COMMD1: variants seen among roughly 807,000 people sequenced by gnomAD.
The protein encoded by COMMD1 is COMM domain-containing protein 1.
In COMMD1, 10 loss-of-function variants were observed where a neutral mutation model predicts 17.2. That is an observed-to-expected ratio of 0.58 (90% confidence interval 0.36 to 0.99). The LOEUF (loss-of-function observed/expected upper bound fraction) is 0.99, where lower values mean the gene tolerates loss of function less well. COMMD1 is among the 50% of genes least tolerant of loss of function. The pLI, the probability that COMMD1 is intolerant of heterozygous loss-of-function variation, is 0.01. For missense variants in COMMD1, 270 were observed against 231.8 expected (o/e 1.17, Z -1.07); for synonymous variants, 97 against 91.6 (o/e 1.06, Z -0.34).
intron 1 of COMMD1, among the ~76,000 whole-genome samples, chr2:61,930,859 T>G (rs1670448193): frequency 6.6e-6 from 1 of 152,042 alleles, no homozygotes; most frequent in Non-Finnish European, 1.5e-5. Flanking sequence ...ATATGATAAG[T>G]GTTAGATTAA....
At chr2:61,923,196 A>T (rs1332870039) in intron 1 of COMMD1, among the ~76,000 whole-genome samples, 1 of 152,190 alleles carries the variant, frequency 6.6e-6, no homozygotes, top group Non-Finnish European at 1.5e-5. Flanking sequence ...TTATTAAATT[A>T]TAAACCTTCA....
intron 1 of COMMD1, among the ~76,000 whole-genome samples, chr2:61,907,764 C>T (rs184620860): frequency 1.3e-5 from 2 of 152,222 alleles, no homozygotes; most frequent in East Asian, 1.9e-4. Flanking sequence ...GATCTCCGCT[C>T]TCTACAACCT....
Position 62,046,905 on chromosome 2 carries a change from C to T in COMMD1, c.462+45923C>T, listed in dbSNP as rs559995031. On this transcript the variant is annotated intron_variant, in intron 2 of 2. Transcript: ENST00000311832. ...GCAAATAAAATGTTTGGTTTCTCTC[C>T]GGTATCTTTGGATGCAAAGTAGTGG... is the stretch of plus-strand genomic sequence containing the variant. Among the ~76,000 whole-genome samples, 9 of 152,290 alleles carry T rather than the reference C, an allele frequency of 5.9e-5. 1 individual carries two copies. The South Asian group carries it at 8.3e-4, about 14-fold the overall frequency.
chr2:62,115,503 T>G (rs1255328437), intron 2 of COMMD1, among the ~76,000 whole-genome samples: 2 of 152,236 alleles, frequency 1.3e-5, no homozygotes, highest in African/African-American at 4.8e-5. Context: ...GAGTAAAAGA[T>G]AAAAGAGTTA....
intron 2 of COMMD1, among the ~76,000 whole-genome samples, chr2:62,009,681 T>TA (rs1010062300): frequency 4.6e-5 from 7 of 152,090 alleles, no homozygotes; most frequent in African/African-American, 1.2e-4. Context: ...ACACACTTGT[T>TA]AAAAAAATCT....
chr2:61,910,285 C>T (rs957795501), intron 1 of COMMD1, among the ~76,000 whole-genome samples: 4 of 151,618 alleles, frequency 2.6e-5, no homozygotes, highest in African/African-American at 4.9e-5. Context: ...GAGTCTCACT[C>T]TCTTGCCCAG....
At chr2:62,000,525 C>T (rs1016977726) in intron 1 of COMMD1, among the ~76,000 whole-genome samples, 176 bp from the exon 2 acceptor site, 9 of 152,016 alleles carry the variant, frequency 5.9e-5, no homozygotes, top group East Asian at 1.9e-4. Context: ...TAACTCCTAA[C>T]CTCAAGTGAT....
At chr2:61,896,285 C>A (rs532687468) in intron 1 of COMMD1, among the ~76,000 whole-genome samples, 28 of 152,146 alleles carry the variant, frequency 1.8e-4, no homozygotes, top group Non-Finnish European at 3.1e-4. Flanking sequence ...ACAGAGGGAT[C>A]TTTTAAGAAC....
At chr2:61,962,254 A>G (rs1558538469) in intron 1 of COMMD1, among the ~76,000 whole-genome samples, 1 of 152,152 alleles carries the variant, frequency 6.6e-6, no homozygotes, top group Non-Finnish European at 1.5e-5. Flanking sequence ...TCCTGCTGCC[A>G]GTGTTCTTGG....
At chr2:61,925,553 A>G (rs552751460) in intron 1 of COMMD1, among the ~76,000 whole-genome samples, 1 of 152,176 alleles carries the variant, frequency 6.6e-6, no homozygotes, top group African/African-American at 2.4e-5. Context: ...ATGGTTTGTA[A>G]TTGGGGTTTG....
chr2:61,917,131 A>T (rs1670071437), intron 1 of COMMD1, among the ~76,000 whole-genome samples: 1 of 152,062 alleles, frequency 6.6e-6, no homozygotes, highest in South Asian at 2.1e-4. Context: ...AGGTGGGTGG[A>T]TCACTTGAGG....
intron 1 of COMMD1, among the ~76,000 whole-genome samples, chr2:61,984,995 G>T (rs1672063913): frequency 6.8e-6 from 1 of 146,838 alleles, no homozygotes; most frequent in Non-Finnish European, 1.5e-5. Context: ...GTTTCTATTT[G>T]CCTGGAATAT....
At chr2:62,031,188 T>C (rs976959641) in intron 2 of COMMD1, among the ~76,000 whole-genome samples, 15 of 152,184 alleles carry the variant, frequency 9.9e-5, no homozygotes, top group Non-Finnish European at 1.6e-4. Flanking sequence ...TAACCAACTA[T>C]TCCTTAAGTC....
intron 1 of COMMD1, among the ~76,000 whole-genome samples, chr2:61,962,593 A>C (rs976893717): frequency 6.6e-6 from 1 of 152,198 alleles, no homozygotes; most frequent in Non-Finnish European, 1.5e-5. Flanking sequence ...CAGTTATTCA[A>C]TCATTCATAC....
chr2:62,114,020 G>A (rs750209950), intron 2 of COMMD1, among the ~76,000 whole-genome samples: 2 of 152,198 alleles, frequency 1.3e-5, no homozygotes, highest in South Asian at 4.1e-4. Flanking sequence ...TGTCCTCTCA[G>A]TTTGAAATGA....
intron 2 of COMMD1, among the ~76,000 whole-genome samples, chr2:62,016,483 A>C (rs1041623857): frequency 6.7e-6 from 1 of 149,548 alleles, no homozygotes; most frequent in African/African-American, 2.5e-5. Flanking sequence ...TGCTGGGATT[A>C]TAAGCATGAG....
chr2:62,024,741 A>AT (rs901007888), intron 2 of COMMD1, among the ~76,000 whole-genome samples: 4 of 151,954 alleles, frequency 2.6e-5, no homozygotes, highest in African/African-American at 4.8e-5. Context: ...GCCTTATAAG[A>AT]TTTTTTTTCT....
upstream of COMMD1, among the ~76,000 whole-genome samples, chr2:61,903,727 A>T (rs1669707310): frequency 6.7e-6 from 1 of 150,252 alleles, no homozygotes; most frequent in Non-Finnish European, 1.5e-5. Flanking sequence ...TAATTTTTGT[A>T]TTTTCAGTTT....
chr2:62,118,833 T>C (rs1167325176), intron 2 of COMMD1: 3 of 152,258 alleles, frequency 2.0e-5, no homozygotes, highest in Non-Finnish European at 4.4e-5. Flanking sequence ...GTTTTTCTTA[T>C]TTATGGACTA....
Sources: gnomAD v4.1 joint callset for allele counts (sites outside exome capture counted in the v4.1 genomes callset) on GRCh38, gnomAD v4.1.1 for gene constraint, MANE v1.5 for transcripts, NCBI Gene and HGNC (gene_info 2026-07-23, HGNC 2026-07-21) for gene names.